RORA: variants seen among roughly 807,000 people sequenced by gnomAD.
The protein encoded by RORA is nuclear receptor ROR-alpha.
RORA carries 7 observed loss-of-function variants against 69.5 expected under a neutral mutation model. The ratio of observed to expected loss-of-function variants is 0.10; its 90% confidence interval spans 0.06 to 0.19. RORA has a LOEUF of 0.19. Among genes scored for constraint, RORA ranks in the 10% least tolerant of loss-of-function variants. The probability of loss-of-function intolerance (pLI) is 1.00; values close to 1 mark genes in which losing one functional copy is unlikely to be tolerated. For missense variants in RORA, 457 were observed against 663.0 expected (o/e 0.69, Z 3.41); for synonymous variants, 261 against 240.8 (o/e 1.08, Z -0.78).
chr15:60,822,395 C>T (rs2072904374), intron 1 of RORA, among the ~76,000 whole-genome samples: 1 of 152,206 alleles, frequency 6.6e-6, no homozygotes, highest in Admixed American at 6.5e-5. Flanking sequence ...ACCACTCTCC[C>T]ATCCCAGCTT....
At chr15:60,712,507 T>C (rs1346792495) in intron 1 of RORA, among the ~76,000 whole-genome samples, 1 of 152,144 alleles carries the variant, frequency 6.6e-6, no homozygotes, top group African/African-American at 2.4e-5. Context: ...TGCATGATGG[T>C]TTGGATTTAT....
At chr15:60,570,903 C>G (rs2067860409) in intron 2 of RORA, among the ~76,000 whole-genome samples, 1 of 152,118 alleles carries the variant, frequency 6.6e-6, no homozygotes, top group African/African-American at 2.4e-5. Context: ...GTGGCTTGGA[C>G]CAGGTAACTC....
chr15:60,887,084 G>A (rs1476828354), intron 1 of RORA, among the ~76,000 whole-genome samples: 1 of 151,882 alleles, frequency 6.6e-6, no homozygotes, highest in Non-Finnish European at 1.5e-5. Flanking sequence ...TGAAAACCAA[G>A]ACAGGTCAGA....
intron 1 of RORA, among the ~76,000 whole-genome samples, chr15:60,940,302 G>A (rs1042241544): frequency 4.6e-5 from 7 of 152,244 alleles, no homozygotes; most frequent in South Asian, 2.1e-4. Context: ...CAAACTGTAC[G>A]TCCATACGAT....
intron 1 of RORA, among the ~76,000 whole-genome samples, chr15:61,001,158 G>A (rs1441876211): frequency 6.6e-6 from 1 of 152,152 alleles, no homozygotes; most frequent in East Asian, 1.9e-4. Flanking sequence ...ATCCCAAGTT[G>A]CAGTCTCATC....
intron 1 of RORA, among the ~76,000 whole-genome samples, chr15:60,831,752 C>T (rs183714773): frequency 2.3e-4 from 35 of 152,246 alleles, no homozygotes; most frequent in African/African-American, 8.2e-4. Flanking sequence ...CTGGAATGCA[C>T]CTTAGTGTCT....
At chr15:60,758,250 A>AG in intron 1 of RORA, among the ~76,000 whole-genome samples, 1 of 152,140 alleles carries the variant, frequency 6.6e-6, no homozygotes, top group East Asian at 1.9e-4. Flanking sequence ...GTATTCAGTG[A>AG]CACGACCCAC....
At chr15:60,810,004 T>C (rs2072719699) in intron 1 of RORA, among the ~76,000 whole-genome samples, 1 of 152,124 alleles carries the variant, frequency 6.6e-6, no homozygotes, top group African/African-American at 2.4e-5. Flanking sequence ...TGTAAGGCTG[T>C]TGTGTTGTGA....
At chr15:60,944,778 C>G (rs1274494647) in intron 1 of RORA, among the ~76,000 whole-genome samples, 4 of 151,190 alleles carry the variant, frequency 2.6e-5, no homozygotes, top group Non-Finnish European at 5.9e-5. Flanking sequence ...ACACCATTTC[C>G]AATAATCGTC....
chr15:60,985,582 CTTTT>C, intron 1 of RORA, among the ~76,000 whole-genome samples: 1 of 100,846 alleles, frequency 9.9e-6, no homozygotes, highest in East Asian at 2.8e-4. Context: ...AACTCATCCT[CTTTT>C]TTTTTTTTTT....
chr15:60,956,380 A>G (rs1388043344), intron 1 of RORA, among the ~76,000 whole-genome samples: 2 of 152,244 alleles, frequency 1.3e-5, no homozygotes, highest in South Asian at 2.1e-4. Context: ...ATCAGGAAGC[A>G]GACGCCCAGG....
At chr15:61,047,584 G>C (rs1425666715) in intron 1 of RORA, among the ~76,000 whole-genome samples, 12 of 151,426 alleles carry the variant, frequency 7.9e-5, no homozygotes, top group East Asian at 7.8e-4. Context: ...TCAGGATAAA[G>C]GTGTCGAGAA....
chr15:61,143,186 C>T (rs1279890823), intron 1 of RORA, among the ~76,000 whole-genome samples: 1 of 151,446 alleles, frequency 6.6e-6, no homozygotes, highest in Non-Finnish European at 1.5e-5. Context: ...AAACAAAAGC[C>T]AATTAAATAT....
In RORA at chr15:60,628,927, G is replaced by A. The variant is rs561903965; in HGVS notation, c.196+49730C>T. Among the ~76,000 whole-genome samples, 13 of 152,326 alleles carry A rather than the reference G, an allele frequency of 8.5e-5. No homozygotes were observed. In the South Asian group the frequency reaches 2.5e-3, roughly 29 times the overall value. ...GGTGTCTGGAAAGGGGGTGGGTTTA[G>A]AGAGGCCCGTTTTAGTTCTCAAGCA... On this transcript the variant is annotated intron_variant, in intron 2 of 10. Transcript: ENST00000335670.
intron 1 of RORA, among the ~76,000 whole-genome samples, chr15:60,686,113 T>C (rs2070744047): frequency 6.6e-6 from 1 of 152,180 alleles, no homozygotes; most frequent in South Asian, 2.1e-4. Flanking sequence ...TTTCCTGACA[T>C]TAGTGCCCAG....
intron 1 of RORA, among the ~76,000 whole-genome samples, chr15:60,794,397 T>C (rs2072460762): frequency 6.6e-6 from 1 of 152,244 alleles, no homozygotes; most frequent in Non-Finnish European, 1.5e-5. Flanking sequence ...TAATGAAGTA[T>C]ACATATCACC....
At chr15:61,153,917 A>G (rs888484929) in intron 1 of RORA, among the ~76,000 whole-genome samples, 1 of 152,230 alleles carries the variant, frequency 6.6e-6, no homozygotes, top group Admixed American at 6.5e-5. Flanking sequence ...CCTATCAAGA[A>G]ACAGATTTGG....
intron 1 of RORA, among the ~76,000 whole-genome samples, chr15:61,025,423 C>T (rs1895758105): frequency 6.6e-6 from 1 of 152,206 alleles, no homozygotes; most frequent in African/African-American, 2.4e-5. Context: ...AGGAGAACCT[C>T]CTCCAAAGCA....
intron 1 of RORA, among the ~76,000 whole-genome samples, chr15:60,880,552 T>A (rs538842738): frequency 1.6e-4 from 25 of 152,136 alleles, no homozygotes; most frequent in Non-Finnish European, 3.5e-4. Context: ...GGCAGGAGAA[T>A]GGCTTGAACC....
Sources: allele counts gnomAD v4.1 joint callset (sites outside exome capture counted in the v4.1 genomes callset), GRCh38; gene constraint gnomAD v4.1.1; transcripts MANE v1.5; gene names NCBI Gene and HGNC (gene_info 2026-07-23, HGNC 2026-07-21).